Variants in TPPP2 observed in about 807,000 individuals in gnomAD.
TPPP2 encodes tubulin polymerization-promoting protein family member 2.
Under a neutral mutation model 13.0 loss-of-function variants are expected in TPPP2, and 8 were observed. That is an observed-to-expected ratio of 0.62 (90% CI 0.36 to 1.11). The LOEUF is 1.11. TPPP2 is among the 50% of genes most tolerant of loss of function. The probability of loss-of-function intolerance (pLI) is 0.02; values close to 1 mark genes in which losing one functional copy is unlikely to be tolerated. For synonymous variants in TPPP2, 81 were observed against 81.8 expected, an observed-to-expected ratio of 0.99 and a Z score of 0.05; for missense variants, 213 against 216.9, an observed-to-expected ratio of 0.98 and a Z score of 0.11.
chr14:21,033,635 C>G, downstream of TPPP2: 1 of 613,264 alleles, frequency 1.6e-6, no homozygotes, highest in South Asian at 1.9e-5. Context: ...TGGAAAGAAC[C>G]TAGAAGATAG....
upstream of TPPP2, chr14:21,025,258 A>G: frequency 4.6e-6 from 4 of 868,464 alleles, no homozygotes; most frequent in Non-Finnish European, 5.5e-6. The surrounding 1 kb of genome is among the most constrained non-coding windows in gnomAD (Gnocchi z 5.1). Flanking sequence ...GGGCGGCTGG[A>G]CGCTTCCAGG....
Position 21,030,783 on chromosome 14 carries a change from G to A in TPPP2, c.173+29G>A, listed in dbSNP as rs369192139. The A allele has an allele frequency of 3.1e-6, 5 of 1,609,662 alleles. No individual in the cohort carries two copies. In the East Asian group the frequency reaches 6.7e-5, roughly 22 times the overall value. On this transcript the variant is annotated intron_variant, in intron 2 of 3. Coordinates refer to ENST00000321760, the MANE Select transcript of TPPP2 (RefSeq NM_173846.5). ...AGGAGCCAAAAATATGGAGGTGGGG[G>A]TGAGAAGAACCTGCGAGGTAGTTGG...
intron 3 of TPPP2, among the ~76,000 whole-genome samples, 163 bp from the exon 4 acceptor site, chr14:21,031,729 T>C (rs1884178587): frequency 6.6e-6 from 1 of 151,922 alleles, no homozygotes; most frequent in Non-Finnish European, 1.5e-5. Flanking sequence ...CTTACCAGAG[T>C]ACCTGCCCAC....
rs561562866 is a variant in TPPP2, at chr14:21,024,345, G to A, written n.236+1G>A. ...GAGAGAAGGAAGTGCTGATGTGGAG[G>A]TAAGAGGGTGGCCCTGTCAGAACCT... On this transcript the variant is annotated splice_donor_variant and non_coding_transcript_variant, in intron 1 of 1. Coordinates refer to the TPPP2 transcript ENST00000533755. 9.2e-6 allele frequency: 9 copies of A among 976,030 alleles called. No homozygotes were observed. The African/African-American group carries it at 1.2e-4, about 13-fold the overall frequency. The allele number at this position is 976,030 out of a possible 1,614,324, so 60.5% of individuals were successfully genotyped here. A position where few individuals can be genotyped will look rare whatever the true frequency, so the allele number is the denominator to read the frequency against.
At chr14:21,026,505 C>A (rs1488734015), upstream of TPPP2, among the ~76,000 whole-genome samples, 2 of 150,656 alleles carry the variant, frequency 1.3e-5, no homozygotes, top group Admixed American at 1.3e-4. Context: ...GGGAACCACC[C>A]TCCCACCACC....
chr14:21,032,704 C>T lies in TPPP2; in HGVS notation c.*627C>T, dbSNP rs1264708383. ...GGGGCACATGGGACAGAAGAGCTTACTGACTGCTAAGGGTAGCTCAGGAAG... is the reference window on the plus strand; with the variant it reads ...GGGGCACATGGGACAGAAGAGCTTATTGACTGCTAAGGGTAGCTCAGGAAG... On this transcript the variant is annotated 3_prime_UTR_variant, in exon 4 of 4. Coordinates refer to ENST00000321760, the MANE Select transcript of TPPP2 (RefSeq NM_173846.5). The T allele has an allele frequency of 1.4e-5, 5 of 355,274 alleles. No homozygotes were observed. Among genetic ancestry groups the T allele is most frequent in the Non-Finnish European group, 2.7e-5 (5 of 183,340 alleles). The allele number at this position is 355,274 out of a possible 1,614,324, so 22.0% of individuals were successfully genotyped here.
At chr14:21,033,017 G>A (rs750829405), downstream of TPPP2, 1 of 454,584 alleles carries the variant, frequency 2.2e-6, no homozygotes, top group South Asian at 1.6e-5. Flanking sequence ...GCAGACTCTG[G>A]AGTCTGGGGG....
chr14:21,025,585 G>T, upstream of TPPP2: 4 of 985,456 alleles, frequency 4.1e-6, no homozygotes, highest in Non-Finnish European at 4.8e-6. The surrounding 1 kb of genome is among the most constrained non-coding windows in gnomAD (Gnocchi z 5.1). Flanking sequence ...CTCGCCGGCT[G>T]GCAGGGGCAG....
In TPPP2 at chr14:21,030,726, G is replaced by T. The variant is rs1006960037; in HGVS notation, c.145G>T (p.Asp49Tyr). 13 of 1,614,160 alleles carry T rather than the reference G, an allele frequency of 8.1e-6. No individual in the cohort carries two copies. Among genetic ancestry groups the T allele is most frequent in the Non-Finnish European group, 1.0e-5 (12 of 1,180,008 alleles). The change falls in exon 2 of 4, where the codon GAC (aspartate) becomes TAC (tyrosine). Residue 49 changes from aspartate to tyrosine, a missense_variant. By Grantham distance (160) the Asp-to-Tyr change is radical. Transcript: ENST00000321760. ...GGATGGCAAGACAGTCACCTCCACG[G>T]ACGTGGACATCGTGTTCAGCAAAGT... ...IMDGKTVTST[D>Y]VDIVFSKVKA...
chr14:21,025,461 G>C, upstream of TPPP2: 1 of 985,492 alleles, frequency 1.0e-6, no homozygotes, highest in Non-Finnish European at 1.2e-6. This position sits in a 1 kb window ranked among gnomAD's most constrained non-coding sequence, Gnocchi z 5.1. Context: ...CCGGTAGTGG[G>C]GAGACGAACC....
intron 3 of TPPP2, chr14:21,031,426 GC>G (rs1258745294): frequency 6.2e-6 from 3 of 484,190 alleles, no homozygotes; most frequent in African/African-American, 5.9e-5. Context: ...GGGCTTGGTA[GC>G]TTTTGGAGGA....
chr14:21,032,187 G>C lies in TPPP2; in HGVS notation c.*110G>C. On this transcript the variant is annotated 3_prime_UTR_variant, in exon 4 of 4. Transcript: ENST00000321760. ...TGCAGCAGCCAAAATCTCTGTCTGT[G>C]AGGGACAGATGAGCCTACTAGTGTA... The C allele has an allele frequency of 5.2e-6, 6 of 1,158,788 alleles. No homozygotes were observed. Among genetic ancestry groups the C allele is most frequent in the African/African-American group, 1.5e-5 (1 of 65,900 alleles). 71.8% of individuals were successfully genotyped at this position (1,158,788 alleles called of 1,614,324 possible).
intron 1 of TPPP2, chr14:21,024,759 A>G: frequency 1.0e-6 from 1 of 985,504 alleles, no homozygotes; most frequent in Non-Finnish European, 1.2e-6. Flanking sequence ...CGTCCCTACG[A>G]GTCCCTACGC....
upstream of TPPP2, among the ~76,000 whole-genome samples, chr14:21,026,518 C>G (rs1281204206): frequency 2.0e-5 from 3 of 151,004 alleles, no homozygotes; most frequent in Non-Finnish European, 4.4e-5. Context: ...CCACCACCAC[C>G]CTCACCACCC....
downstream of TPPP2, among the ~76,000 whole-genome samples, chr14:21,035,397 C>G (rs529017101): frequency 1.3e-5 from 2 of 152,320 alleles, no homozygotes; most frequent in East Asian, 3.9e-4. Flanking sequence ...GTTTGCCATG[C>G]TGGGGAAAGG....
In TPPP2 at chr14:21,030,597, GA is replaced by G. The variant is rs746244209; in HGVS notation, c.22del (p.Thr8HisfsTer18). 1.2e-6 allele frequency: 2 copies of G among 1,613,750 alleles called. No homozygotes were observed. The highest frequency in any genetic ancestry group is 1.7e-6 in the Non-Finnish European group (2 of 1,179,894). Reference protein sequence around the residue: MASEAEKTFHRFAAFG... With the variant: MASEAXKTFHRFAAFG... ...CTAGCTGACCATGGCATCAGAGGCA[GA>G]AAAAACATTCCATCGGTTTGCTGCG... On this transcript the variant is annotated frameshift_variant, in exon 2 of 4. Coordinates refer to ENST00000321760, the MANE Select transcript of TPPP2 (RefSeq NM_173846.5). LOFTEE classifies it high-confidence loss of function.
downstream of TPPP2, chr14:21,035,717 C>A: frequency 2.2e-6 from 1 of 454,062 alleles, no homozygotes; most frequent in Admixed American, 2.4e-5. Flanking sequence ...CTGGCACTTT[C>A]TGACAGCACA....
chr14:21,026,891 C>G (rs1594467366), upstream of TPPP2, among the ~76,000 whole-genome samples: 1 of 152,212 alleles, frequency 6.6e-6, no homozygotes, highest in South Asian at 2.1e-4. Context: ...CAAAGGTGCG[C>G]AAGACAGGAG....
At position 21,032,135 on chromosome 14, in the gene TPPP2, G is replaced by A. The variant is rs1293260099; in HGVS notation, c.*58G>A. ...GACCCTGCATGTTTAACACCAGGGA[G>A]CTTGGAAAACAATAAACATCTGTGT... On this transcript the variant is annotated 3_prime_UTR_variant, in exon 4 of 4. Transcript: ENST00000321760. 1 of 1,551,796 alleles carries A rather than the reference G, an allele frequency of 6.4e-7. No individual in the cohort carries two copies. The highest frequency in any genetic ancestry group is 2.3e-5 in the East Asian group (1 of 44,356).
Sources: allele counts gnomAD v4.1 joint callset (sites outside exome capture counted in the v4.1 genomes callset), GRCh38; gene constraint gnomAD v4.1.1; non-coding constraint Gnocchi (gnomAD v3.1); transcripts MANE v1.5; gene names NCBI Gene and HGNC (gene_info 2026-07-23, HGNC 2026-07-21).